The following SLC35F1 variants were observed in gnomAD, a reference collection of about 807,000 sequenced individuals.
The protein encoded by SLC35F1 is solute carrier family 35 member F1.
SLC35F1 carries 14 observed loss-of-function variants against 48.7 expected under a neutral mutation model. That is an observed-to-expected ratio of 0.29 (90% CI 0.19 to 0.45). SLC35F1 has a LOEUF of 0.45. Ranked by LOEUF, SLC35F1 falls within the 20% of genes least tolerant of loss-of-function variation. The pLI, the probability that SLC35F1 is intolerant of heterozygous loss-of-function variation, is 1.00. For missense variants in SLC35F1, 404 were observed against 500.0 expected (o/e 0.81, Z 1.83); for synonymous variants, 190 against 202.2 (o/e 0.94, Z 0.51).
chr6:118,087,712 C>T (rs1386981152), intron 1 of SLC35F1, among the ~76,000 whole-genome samples: 1 of 152,142 alleles, frequency 6.6e-6, no homozygotes, highest in East Asian at 1.9e-4. Context: ...CCTACTCATC[C>T]AAAAAGCTCA....
intron 1 of SLC35F1, among the ~76,000 whole-genome samples, chr6:118,125,331 T>C (rs1773608036): frequency 6.8e-6 from 1 of 147,448 alleles, no homozygotes; most frequent in Non-Finnish European, 1.5e-5. Flanking sequence ...GCCAAGTACA[T>C]AGACAAAATT....
intron 7 of SLC35F1, among the ~76,000 whole-genome samples, chr6:118,285,768 AT>A (rs1054279672): frequency 6.6e-5 from 10 of 152,192 alleles, no homozygotes; most frequent in East Asian, 1.9e-4. Context: ...TGCTTTGCAG[AT>A]TTTTTTATAG....
chr6:117,961,983 T>A (rs1365537385), intron 1 of SLC35F1, among the ~76,000 whole-genome samples: 2 of 152,224 alleles, frequency 1.3e-5, no homozygotes, highest in Non-Finnish European at 1.5e-5. Context: ...ATACCCATAG[T>A]AATTGTTATT....
intron 1 of SLC35F1, among the ~76,000 whole-genome samples, chr6:118,141,896 G>A (rs1181018323): frequency 1.3e-5 from 2 of 152,208 alleles, no homozygotes; most frequent in African/African-American, 4.8e-5. Flanking sequence ...GTGAACTGGA[G>A]TGTACATTTA....
intron 1 of SLC35F1, among the ~76,000 whole-genome samples, chr6:117,958,603 A>G (rs979084608): frequency 6.6e-6 from 1 of 152,178 alleles, no homozygotes; most frequent in Admixed American, 6.5e-5. Context: ...ACGATTGCCT[A>G]CAGTATTCAG....
intron 1 of SLC35F1, among the ~76,000 whole-genome samples, chr6:118,106,420 C>T (rs1287297456): frequency 2.6e-5 from 4 of 152,134 alleles, no homozygotes; most frequent in African/African-American, 7.2e-5. Context: ...ATGACAAATT[C>T]CTCAAAGACA....
intron 1 of SLC35F1, among the ~76,000 whole-genome samples, chr6:117,961,307 A>G (rs543281110): frequency 3.2e-4 from 49 of 152,336 alleles, no homozygotes; most frequent in Admixed American, 3.2e-3. Context: ...CACTGAAACT[A>G]TTCAGAAAGC....
chr6:118,260,125 G>A (rs1299036655), intron 3 of SLC35F1, among the ~76,000 whole-genome samples: 1 of 152,004 alleles, frequency 6.6e-6, no homozygotes, highest in Non-Finnish European at 1.5e-5. Context: ...AGTCACAAAG[G>A]GTCACATATT....
chr6:118,041,513 A>G (rs773659694), intron 1 of SLC35F1, among the ~76,000 whole-genome samples: 1 of 152,076 alleles, frequency 6.6e-6, no homozygotes, highest in Non-Finnish European at 1.5e-5. Context: ...GATATTGGAG[A>G]TATAGTGGTG....
intron 2 of SLC35F1, among the ~76,000 whole-genome samples, chr6:118,190,976 T>C (rs1234345957): frequency 6.6e-6 from 1 of 152,202 alleles, no homozygotes; most frequent in Non-Finnish European, 1.5e-5. Flanking sequence ...TTAAAGTCTG[T>C]TGTGTAACCA....
chr6:118,061,043 T>C (rs1023911815), intron 1 of SLC35F1, among the ~76,000 whole-genome samples: 1 of 152,230 alleles, frequency 6.6e-6, no homozygotes, highest in Non-Finnish European at 1.5e-5. Context: ...TCTTGGAATA[T>C]GAAATTCCAA....
intron 1 of SLC35F1, among the ~76,000 whole-genome samples, chr6:118,148,224 A>T (rs957243291): frequency 1.3e-5 from 2 of 152,204 alleles, no homozygotes; most frequent in Non-Finnish European, 2.9e-5. Flanking sequence ...AGAAAAGTTG[A>T]TGTGCTGTAA....
intron 1 of SLC35F1, among the ~76,000 whole-genome samples, chr6:118,122,619 C>T (rs907232168): frequency 6.6e-6 from 1 of 152,176 alleles, no homozygotes; most frequent in Non-Finnish European, 1.5e-5. Flanking sequence ...ACCAGAGCTT[C>T]CAACAAACAA....
chr6:118,298,777 A>G (rs1776222855), intron 7 of SLC35F1, among the ~76,000 whole-genome samples: 1 of 152,188 alleles, frequency 6.6e-6, no homozygotes, highest in African/African-American at 2.4e-5. Context: ...ATGCCATATG[A>G]TTAAACCGCT....
At chr6:118,132,769 A>C (rs1773733815) in intron 1 of SLC35F1, among the ~76,000 whole-genome samples, 1 of 152,170 alleles carries the variant, frequency 6.6e-6, no homozygotes, top group Admixed American at 6.5e-5. Flanking sequence ...TTCTGTTCTT[A>C]ATTGTATCCT....
At chr6:118,006,015 T>C (rs1777169651) in intron 1 of SLC35F1, among the ~76,000 whole-genome samples, 1 of 152,232 alleles carries the variant, frequency 6.6e-6, no homozygotes, top group Non-Finnish European at 1.5e-5. Flanking sequence ...AATTTTACAA[T>C]TATAATTACA....
At chr6:118,081,016 C>T (rs1273642080) in intron 1 of SLC35F1, among the ~76,000 whole-genome samples, 1 of 152,034 alleles carries the variant, frequency 6.6e-6, no homozygotes, top group Non-Finnish European at 1.5e-5. Context: ...TTGTCTAAAC[C>T]TCAGAAGTGG....
chr6:118,098,947 T>A (rs1449128900), intron 1 of SLC35F1, among the ~76,000 whole-genome samples: 1 of 152,214 alleles, frequency 6.6e-6, no homozygotes, highest in Non-Finnish European at 1.5e-5. Flanking sequence ...GTTTGGCCTA[T>A]TTTATAAGGT....
chr6:117,927,673 A>G (rs948621810), intron 1 of SLC35F1, among the ~76,000 whole-genome samples: 20 of 152,190 alleles, frequency 1.3e-4, no homozygotes, highest in African/African-American at 4.1e-4. Context: ...CGCTTAGAAC[A>G]GTGCCTGCCA....
Sources: allele counts gnomAD v4.1 joint callset (sites outside exome capture counted in the v4.1 genomes callset), GRCh38; gene constraint gnomAD v4.1.1; transcripts MANE v1.5; gene names NCBI Gene and HGNC (gene_info 2026-07-23, HGNC 2026-07-21).